PSTPIP2: variants seen among roughly 807,000 people sequenced by gnomAD.
PSTPIP2 encodes the protein proline-serine-threonine phosphatase-interacting protein 2.
PSTPIP2 carries 33 observed loss-of-function variants against 63.3 expected under a neutral mutation model. The observed-to-expected ratio is 0.52, with a 90% confidence interval of 0.40 to 0.70. The LOEUF (loss-of-function observed/expected upper bound fraction) is 0.70, where lower values mean the gene tolerates loss of function less well. Ranked by LOEUF, PSTPIP2 falls within the 30% of genes least tolerant of loss-of-function variation. The pLI, the probability that PSTPIP2 is intolerant of heterozygous loss-of-function variation, is 0.00. For missense variants in PSTPIP2, 312 were observed against 400.7 expected (o/e 0.78, Z 1.89); for synonymous variants, 125 against 132.7 (o/e 0.94, Z 0.40).
intron 6 of PSTPIP2, among the ~76,000 whole-genome samples, chr18:46,000,731 G>A (rs556390144): frequency 3.9e-5 from 6 of 152,294 alleles, no homozygotes; most frequent in South Asian, 4.1e-4. Flanking sequence ...ATGGTCTATC[G>A]TGTGCTACCA....
intron 1 of PSTPIP2, among the ~76,000 whole-genome samples, chr18:46,042,361 T>C (rs999726522): frequency 5.3e-5 from 8 of 152,166 alleles, no homozygotes; most frequent in Non-Finnish European, 7.4e-5. Context: ...TATCCTCTCC[T>C]GAATCCAGAT....
chr18:46,012,629 C>G (rs527560273), intron 4 of PSTPIP2, among the ~76,000 whole-genome samples: 156 of 152,128 alleles, frequency 1.0e-3, no homozygotes, highest in African/African-American at 3.4e-3. Context: ...AAAAATTAGC[C>G]GGGCATGGTG....
At chr18:46,020,289 C>T (rs996417914) in intron 3 of PSTPIP2, among the ~76,000 whole-genome samples, 1 of 152,192 alleles carries the variant, frequency 6.6e-6, no homozygotes, top group Admixed American at 6.5e-5. Flanking sequence ...TAAGCCCTAA[C>T]AGGTTCCATT....
chr18:46,012,236 A>G (rs1306583605), intron 4 of PSTPIP2, among the ~76,000 whole-genome samples: 2 of 152,174 alleles, frequency 1.3e-5, no homozygotes, highest in Admixed American at 6.5e-5. Flanking sequence ...TATTCTTGAT[A>G]TTGGCAAGCA....
rs34436976 is a variant in PSTPIP2, at chr18:46,011,291, C to CA, written c.248-5dup. On this transcript the variant is annotated splice_polypyrimidine_tract_variant and splice_region_variant and intron_variant, in intron 4 of 14. Transcript: ENST00000409746. ...CATTGTGCCACATTGTCTACTTCTG[C>CA]AAAAAAGAATTAAAAAAAAAATCAA... The CA allele has an allele frequency of 9.4e-6, 15 of 1,597,896 alleles. No individual in the cohort carries two copies. Among genetic ancestry groups the CA allele is most frequent in the Non-Finnish European group, 1.1e-5 (13 of 1,170,954 alleles).
intron 1 of PSTPIP2, among the ~76,000 whole-genome samples, chr18:46,051,439 C>A (rs563905339): frequency 4.6e-5 from 7 of 151,882 alleles, no homozygotes; most frequent in Admixed American, 2.0e-4. Context: ...CGCGCCACTG[C>A]ACTCCACCCC....
intron 1 of PSTPIP2, among the ~76,000 whole-genome samples, chr18:46,051,849 T>C (rs983820063): frequency 6.6e-6 from 1 of 152,232 alleles, no homozygotes; most frequent in African/African-American, 2.4e-5. Context: ...GAAGTTCTGT[T>C]GGATATCCCT....
At chr18:46,067,214 C>G (rs894320060) in intron 1 of PSTPIP2, among the ~76,000 whole-genome samples, 5 of 151,712 alleles carry the variant, frequency 3.3e-5, no homozygotes, top group African/African-American at 1.2e-4. Context: ...AAATTAAATT[C>G]GACCTAGGCT....
intron 9 of PSTPIP2, among the ~76,000 whole-genome samples, chr18:45,995,001 C>T (rs1006131392): frequency 4.6e-5 from 7 of 152,204 alleles, no homozygotes; most frequent in South Asian, 2.1e-4. Context: ...TATCACCTTC[C>T]TCCTTCCCCA....
chr18:45,995,050 G>GTTTGT (rs894438516), intron 9 of PSTPIP2, among the ~76,000 whole-genome samples: 4 of 149,194 alleles, frequency 2.7e-5, no homozygotes, highest in South Asian at 2.1e-4. Context: ...CCTATGCAGG[G>GTTTGT]TTTGTTTTGT....
intron 8 of PSTPIP2, among the ~76,000 whole-genome samples, chr18:45,998,244 A>T (rs1216061328): frequency 6.6e-6 from 1 of 152,218 alleles, no homozygotes; most frequent in Admixed American, 6.5e-5. Context: ...TCAAATGTAG[A>T]GATTAAGATG....
At chr18:45,986,698 T>C (rs2051470599) in intron 14 of PSTPIP2, among the ~76,000 whole-genome samples, 1 of 152,216 alleles carries the variant, frequency 6.6e-6, no homozygotes, top group Non-Finnish European at 1.5e-5. Flanking sequence ...GATTTGTAGG[T>C]CCTAAGTTAT....
At chr18:46,035,521 A>G (rs982733204) in intron 2 of PSTPIP2, among the ~76,000 whole-genome samples, 1 of 152,084 alleles carries the variant, frequency 6.6e-6, no homozygotes, top group Non-Finnish European at 1.5e-5. Context: ...ATCAGGGAAA[A>G]AGGAGGACTT....
At chr18:46,024,897 TG>T (rs1227499076) in intron 2 of PSTPIP2, among the ~76,000 whole-genome samples, 1 of 152,218 alleles carries the variant, frequency 6.6e-6, no homozygotes, top group Non-Finnish European at 1.5e-5. Context: ...CTTCTCCAGC[TG>T]GAAGTCCCTA....
chr18:46,034,098 G>A (rs949273548), intron 2 of PSTPIP2, among the ~76,000 whole-genome samples: 1 of 152,098 alleles, frequency 6.6e-6, no homozygotes, highest in Non-Finnish European at 1.5e-5. Context: ...AGACATAGCC[G>A]ACCACAGTGA....
intron 2 of PSTPIP2, among the ~76,000 whole-genome samples, chr18:46,033,957 T>TA (rs1375570639): frequency 1.3e-5 from 2 of 152,182 alleles, no homozygotes; most frequent in African/African-American, 4.8e-5. Context: ...GCCATTCAGT[T>TA]AGAGGCAATT....
intron 1 of PSTPIP2, among the ~76,000 whole-genome samples, chr18:46,052,505 A>T (rs1908614921): frequency 6.6e-6 from 1 of 152,202 alleles, no homozygotes; most frequent in South Asian, 2.1e-4. Flanking sequence ...TAACTGGGGA[A>T]CCTTGGCTTA....
chr18:46,070,365 G>T (rs778236556), intron 1 of PSTPIP2, among the ~76,000 whole-genome samples: 2 of 152,144 alleles, frequency 1.3e-5, no homozygotes, highest in African/African-American at 2.4e-5. Context: ...CACCCTCTCC[G>T]CTAAGACCTC....
In PSTPIP2 at chr18:45,998,876, C is replaced by A. The variant is rs148367463; in HGVS notation, c.517-37G>T. On this transcript the variant is annotated intron_variant, in intron 7 of 14. Transcript: ENST00000409746. ...AACAAACAAACAAAAAAAGAGCAAG[C>A]ATTGGGAATGCTGGACGAGGCTTCC... 381 of 1,612,598 alleles carry A rather than the reference C, an allele frequency of 2.4e-4. 1 individual carries two copies. In the African/African-American group the frequency reaches 4.4e-3, roughly 19 times the overall value.
Sources: gnomAD v4.1 joint callset for allele counts (sites outside exome capture counted in the v4.1 genomes callset) on GRCh38, gnomAD v4.1.1 for gene constraint, MANE v1.5 for transcripts, NCBI Gene and HGNC (gene_info 2026-07-23, HGNC 2026-07-21) for gene names.